The following ATP13A5 variants were observed in gnomAD, a reference collection of about 807,000 sequenced individuals.
The protein encoded by ATP13A5 is probable cation-transporting ATPase 13A5.
In ATP13A5, 149 loss-of-function variants were observed where a neutral mutation model predicts 150.2. The ratio of observed to expected loss-of-function variants is 0.99; its 90% CI spans 0.87 to 1.14. ATP13A5 has a LOEUF of 1.14. Ranked by LOEUF, ATP13A5 falls within the 50% of genes most tolerant of loss-of-function variation. ATP13A5 has a pLI of 0.00. For synonymous variants in ATP13A5, 497 were observed against 522.2 expected, an observed-to-expected ratio of 0.95 and a Z score of 0.66; for missense variants, 1,383 against 1,449.3, an observed-to-expected ratio of 0.95 and a Z score of 0.74.
chr3:193,336,864 G>A (rs1173087452), intron 9 of ATP13A5, among the ~76,000 whole-genome samples: 6 of 152,292 alleles, frequency 3.9e-5, no homozygotes, highest in Admixed American at 1.3e-4. Flanking sequence ...CAGTGTAAAA[G>A]TGTTCCTATT....
chr3:193,295,245 ATATTTATCAGCTTTC>A (rs1295023713), intron 25 of ATP13A5, among the ~76,000 whole-genome samples: 4 of 151,954 alleles, frequency 2.6e-5, no homozygotes, highest in Non-Finnish European at 5.9e-5. Flanking sequence ...CTCATACCCC[ATATTTATCAGCTTTC>A]TCTTGCTCAT....
At chr3:193,362,731 G>T in intron 3 of ATP13A5, 94 bp from the exon 4 acceptor site, 1 of 1,015,744 alleles carries the variant, frequency 9.8e-7, no homozygotes, top group Non-Finnish European at 1.5e-6. Context: ...AGATCCCCTT[G>T]TGGGTCTCAC....
At chr3:193,347,994 G>A (rs1291996306) in intron 7 of ATP13A5, among the ~76,000 whole-genome samples, 3 of 152,170 alleles carry the variant, frequency 2.0e-5, no homozygotes, top group Non-Finnish European at 4.4e-5. Context: ...TTCCTCTAGA[G>A]CCTATCACAT....
chr3:193,276,825 G>A lies in ATP13A5; in HGVS notation c.3321C>T (p.Ile1107=). ...FQVIYRGMEL[I]PTITSWRVLI... Reference sequence around the variant, plus strand: ...AAACCCTCCACGATGTTATGGTTGGGATCAACTGTTGAAAAACAAATACCA... The same window carrying A: ...AAACCCTCCACGATGTTATGGTTGGAATCAACTGTTGAAAAACAAATACCA... Residue 1107 remains isoleucine (I), a synonymous_variant, in exon 29 of 30, where the codon ATC becomes ATT. Transcript: ENST00000342358. 6.2e-7 allele frequency: 1 copy of A among 1,612,442 alleles called. No individual in the cohort carries two copies. Among genetic ancestry groups the A allele is most frequent in the South Asian group, 1.1e-5 (1 of 90,804 alleles).
chr3:193,288,931 T>C (rs1028882883), intron 26 of ATP13A5, among the ~76,000 whole-genome samples: 2 of 152,118 alleles, frequency 1.3e-5, no homozygotes, highest in Admixed American at 1.3e-4. Context: ...CTACAACATA[T>C]TGTCTTCTAG....
chr3:193,296,635 T>C (rs1302975952), intron 25 of ATP13A5, among the ~76,000 whole-genome samples: 1 of 152,154 alleles, frequency 6.6e-6, no homozygotes, highest in Non-Finnish European at 1.5e-5. Context: ...TCCAGCTTTG[T>C]TCTTTTTGCT....
chr3:193,362,262 T>A, intron 5 of ATP13A5, 119 bp downstream of exon 5: 1 of 891,442 alleles, frequency 1.1e-6, no homozygotes, highest in South Asian at 1.5e-5. Context: ...TGCCAGTAAA[T>A]GAACTTGGAC....
intron 22 of ATP13A5, among the ~76,000 whole-genome samples, chr3:193,306,845 G>A (rs908551846): frequency 6.6e-6 from 1 of 152,150 alleles, no homozygotes; most frequent in African/African-American, 2.4e-5. Context: ...AGAGTTCTGG[G>A]TGAAGCAAAC....
Position 193,332,870 on chromosome 3 carries a change from A to G in ATP13A5, c.1272+880T>C, listed in dbSNP as rs186847905. Among the ~76,000 whole-genome samples, 16 of 152,158 alleles carry G rather than the reference A, an allele frequency of 1.1e-4. No individual in the cohort carries two copies. The East Asian group carries it at 2.3e-3, about 22-fold the overall frequency. On this transcript the variant is annotated intron_variant, in intron 11 of 29. Coordinates refer to ENST00000342358, the MANE Select transcript of ATP13A5 (RefSeq NM_198505.4). ...ATTCTCAAATACTGCCAGGGCTTCC[A>G]TGAGCTTTTTTCCTGCTTTTCTGCC...
intron 20 of ATP13A5, among the ~76,000 whole-genome samples, chr3:193,311,516 C>T (rs777319398): frequency 5.3e-5 from 8 of 152,086 alleles, no homozygotes; most frequent in Admixed American, 2.0e-4. Flanking sequence ...AAACAAGCAC[C>T]GTGTTTGGAA....
rs573956871 is a variant in ATP13A5 at position 193,355,828 on chromosome 3, T to C, written c.537-1632A>G. On this transcript the variant is annotated intron_variant, in intron 5 of 29. Transcript: ENST00000342358. ...AGTGTCAGAACTTAGGACCCCAAAC[T>C]CGGTCCTCCATTCTCTCTCCCTCTC... Among the ~76,000 whole-genome samples, 4 of 152,290 alleles carry C rather than the reference T, an allele frequency of 2.6e-5. 1 individual carries two copies. The South Asian group carries it at 8.3e-4, about 32-fold the overall frequency.
chr3:193,330,995 G>A (rs1481680849), intron 12 of ATP13A5, 128 bp downstream of exon 12: 7 of 918,804 alleles, frequency 7.6e-6, no homozygotes, highest in Non-Finnish European at 1.2e-5. Flanking sequence ...CTCACTCTGT[G>A]ACCTTCTCTG....
At chr3:193,340,643 C>T (rs755961564) in intron 9 of ATP13A5, among the ~76,000 whole-genome samples, 41 of 152,162 alleles carry the variant, frequency 2.7e-4, no homozygotes, top group Non-Finnish European at 4.4e-4. Flanking sequence ...GCATGCCACC[C>T]CTCTTCGCCA....
chr3:193,355,496 T>A (rs1712748578), intron 5 of ATP13A5, among the ~76,000 whole-genome samples: 1 of 152,204 alleles, frequency 6.6e-6, no homozygotes, highest in Admixed American at 6.5e-5. Context: ...GCATGAGAGA[T>A]CTTTGGTCTC....
At chr3:193,363,210 A>T (rs766758452) in intron 3 of ATP13A5, 26 bp downstream of exon 3, 1 of 1,597,444 alleles carries the variant, frequency 6.3e-7, no homozygotes. Context: ...AAACATGCAT[A>T]ACACCATACC....
rs1271804629 is a variant in ATP13A5 at position 193,301,450 on chromosome 3, AC to A, written c.2679-144del. 4 of 629,882 alleles carry A rather than the reference AC, an allele frequency of 6.4e-6. No individual in the cohort carries two copies. In the African/African-American group the frequency reaches 7.4e-5, roughly 12 times the overall value. 39.0% of individuals were successfully genotyped at this position (629,882 alleles called of 1,614,324 possible). A position where few individuals can be genotyped will look rare whatever the true frequency, so the allele number is the denominator to read the frequency against. On this transcript the variant is annotated intron_variant, in intron 23 of 29. Coordinates refer to ENST00000342358, the MANE Select transcript of ATP13A5 (RefSeq NM_198505.4). ...ATGAATTCATCCTCCTATTTATTTAACCACTCATTCATTCATTCTCTCCTTC... is the reference window on the plus strand; with the variant it reads ...ATGAATTCATCCTCCTATTTATTTAACACTCATTCATTCATTCTCTCCTTC...
At chr3:193,290,148 C>A in intron 25 of ATP13A5, 89 bp from the exon 26 acceptor site, 1 of 1,308,890 alleles carries the variant, frequency 7.6e-7, no homozygotes. Context: ...TTGAGTCTGG[C>A]ATTGGGATTC....
chr3:193,279,261 AT>A, intron 28 of ATP13A5, 104 bp downstream of exon 28: 1 of 882,098 alleles, frequency 1.1e-6, no homozygotes, highest in Non-Finnish European at 1.8e-6. Context: ...GCCTCACAGT[AT>A]TTGGTGGTCA....
At chr3:193,289,832 T>C in intron 26 of ATP13A5, 53 bp downstream of exon 26, 1 of 1,500,346 alleles carries the variant, frequency 6.7e-7, no homozygotes, top group Non-Finnish European at 8.9e-7. Flanking sequence ...TGCAATGTCA[T>C]TGGATATTTA....
Sources: gnomAD v4.1 joint callset for allele counts (sites outside exome capture counted in the v4.1 genomes callset) on GRCh38, gnomAD v4.1.1 for gene constraint, MANE v1.5 for transcripts, NCBI Gene and HGNC (gene_info 2026-07-23, HGNC 2026-07-21) for gene names.